The following DEFB126 variants were observed in gnomAD, a reference collection of about 807,000 sequenced individuals.
DEFB126 encodes the protein defensin beta 126, also known as beta-defensin 126.
DEFB126 carries 2 observed loss-of-function variants against 2.5 expected under a neutral mutation model. That is an observed-to-expected ratio of 0.79 (90% confidence interval 0.32 to 2.49). The LOEUF (loss-of-function observed/expected upper bound fraction) is 2.49, where lower values mean the gene tolerates loss of function less well. Ranked by LOEUF, DEFB126 falls within the 30% of genes most tolerant of loss-of-function variation. DEFB126 has a pLI of 0.11. For missense variants in DEFB126, 136 were observed against 135.4 expected, an observed-to-expected ratio of 1.00 and a Z score of -0.02; for synonymous variants, 51 against 45.4, an observed-to-expected ratio of 1.12 and a Z score of -0.50.
intron 1 of DEFB126, among the ~76,000 whole-genome samples, chr20:143,109 T>A (rs940297619): frequency 1.3e-5 from 2 of 152,124 alleles, no homozygotes; most frequent in Non-Finnish European, 2.9e-5. Flanking sequence ...ATTTTTTGTT[T>A]GTTTGTTTGT....
At chr20:143,045 C>T (rs1290507222) in intron 1 of DEFB126, among the ~76,000 whole-genome samples, 1 of 152,082 alleles carries the variant, frequency 6.6e-6, no homozygotes, top group East Asian at 1.9e-4. Flanking sequence ...CCTGAGGTAA[C>T]AATTATATAA....
At position 142,693 on chromosome 20, in the gene DEFB126, A is replaced by T; in HGVS notation, c.58+7A>T. On this transcript the variant is annotated splice_region_variant and intron_variant, in intron 1 of 1. Transcript: ENST00000382398. ...CTGGCCCAATTGGTCTCAGGTAAACAGAATCTTGGGGAAGAAGAAACACTG... is the reference window on the plus strand; with the variant it reads ...CTGGCCCAATTGGTCTCAGGTAAACTGAATCTTGGGGAAGAAGAAACACTG... 2 of 1,613,672 alleles carry T rather than the reference A, an allele frequency of 1.2e-6. No individual in the cohort carries two copies.
intron 1 of DEFB126, among the ~76,000 whole-genome samples, chr20:144,024 G>A (rs960474056): frequency 1.8e-4 from 27 of 151,974 alleles, no homozygotes; most frequent in Non-Finnish European, 2.5e-4. Flanking sequence ...TCCATAGCCC[G>A]CCTCTAGAGA....
Position 142,638 on chromosome 20 carries a change from C to G in DEFB126, c.10C>G (p.Leu4Val). Residue 4 changes from leucine (L) to valine (V), a missense_variant, in exon 1 of 2, where the codon CTA becomes GTA. Transcript: ENST00000382398. ...AACCCACTGCCTCCTGATGAAGTCC[C>G]TACTGTTCACCCTTGCAGTTTTTAT... is the stretch of plus-strand genomic sequence containing the variant. MKS[L>V]LFTLAVFMLL... 6.2e-7 allele frequency: 1 copy of G among 1,613,828 alleles called. No individual in the cohort carries two copies. Among genetic ancestry groups the G allele is most frequent in the South Asian group, 1.1e-5 (1 of 91,066 alleles).
chr20:144,605 T>G (rs2054660130), intron 1 of DEFB126, among the ~76,000 whole-genome samples: 1 of 152,136 alleles, frequency 6.6e-6, no homozygotes, highest in Non-Finnish European at 1.5e-5. Flanking sequence ...AGTAATGAGT[T>G]AAGCAAGGTA....
chr20:142,719 G>A, intron 1 of DEFB126, 33 bp downstream of exon 1: 1 of 1,608,920 alleles, frequency 6.2e-7, no homozygotes, highest in Non-Finnish European at 8.5e-7. Context: ...AGAAACACTG[G>A]CCTGGAACAG....
Position 145,451 on chromosome 20 carries a change from G to C in DEFB126, c.95G>C (p.Gly32Ala), listed in dbSNP as rs1056376458. The change falls in exon 2 of 2, where the codon GGA becomes GCA. Residue 32 changes from glycine (G) to alanine (A), a missense_variant. Physicochemically the swap from Gly to Ala is moderately conservative, Grantham distance 60. Transcript: ENST00000382398. Reference protein sequence around the residue: ...WYVKKCLNDVGICKKKCKPEE... With the variant: ...WYVKKCLNDVAICKKKCKPEE... Reference sequence around the variant, plus strand: ...GTGAAAAAGTGTCTAAACGACGTTGGAATTTGCAAGAAGAAGTGCAAACCT... The same window carrying C: ...GTGAAAAAGTGTCTAAACGACGTTGCAATTTGCAAGAAGAAGTGCAAACCT... The C allele has an allele frequency of 3.1e-6, 5 of 1,613,946 alleles. No homozygotes were observed. The highest frequency in any genetic ancestry group is 4.2e-6 in the Non-Finnish European group (5 of 1,179,910).
rs567361607 is a variant in DEFB126, at chr20:143,997, A to T, written c.58+1311A>T. ...TAATATTCTTTAGTATAATTTCCTA[A>T]TGGGTTATATAATAACTCCATAGCC... On this transcript the variant is annotated intron_variant, in intron 1 of 1. Coordinates refer to ENST00000382398, the MANE Select transcript of DEFB126 (RefSeq NM_030931.4). Among the ~76,000 whole-genome samples, 9 of 152,264 alleles carry T rather than the reference A, an allele frequency of 5.9e-5. No individual in the cohort carries two copies. The South Asian group carries it at 1.9e-3, about 32-fold the overall frequency.
rs771000519 is a variant in DEFB126, at chr20:145,354, A to AT, written c.59-55dup. On this transcript the variant is annotated intron_variant, in intron 1 of 1. Coordinates refer to ENST00000382398, the MANE Select transcript of DEFB126 (RefSeq NM_030931.4). ...TAAACAGTGCTCAAAAACTATTGCTATTTTTTATCCTCCTGTGATAAATAC... is the reference window on the plus strand; with the variant it reads ...TAAACAGTGCTCAAAAACTATTGCTATTTTTTTATCCTCCTGTGATAAATAC... 1,340 of 1,513,980 alleles carry AT rather than the reference A, an allele frequency of 8.9e-4. 2 individuals carry two copies. Among genetic ancestry groups the AT allele is most frequent in the Non-Finnish European group, 1.1e-3 (1,185 of 1,118,228 alleles). 93.8% of individuals were successfully genotyped at this position (1,513,980 alleles called of 1,614,324 possible).
chr20:143,617 T>G (rs1180082614), intron 1 of DEFB126, among the ~76,000 whole-genome samples: 1 of 152,180 alleles, frequency 6.6e-6, no homozygotes, highest in Non-Finnish European at 1.5e-5. Flanking sequence ...CATTGTGAGA[T>G]TCTCTGTTTG....
chr20:143,529 CTTAA>C (rs1199968576), intron 1 of DEFB126, among the ~76,000 whole-genome samples: 1 of 151,984 alleles, frequency 6.6e-6, no homozygotes, highest in East Asian at 1.9e-4. Flanking sequence ...TTGGAAAGTC[CTTAA>C]TTGTGTGTCA....
At position 145,454 on chromosome 20, in the gene DEFB126, T is replaced by A. The variant is rs930567514; in HGVS notation, c.98T>A (p.Ile33Asn). The A allele has an allele frequency of 6.2e-7, 1 of 1,613,880 alleles. No homozygotes were observed. Among genetic ancestry groups the A allele is most frequent in the Non-Finnish European group, 8.5e-7 (1 of 1,179,918 alleles). Residue 33 changes from isoleucine to asparagine, a missense_variant, in exon 2 of 2, where the codon ATT (isoleucine) becomes AAT (asparagine). Ile to Asn is a moderately radical substitution (Grantham distance 149). Transcript: ENST00000382398. ...YVKKCLNDVG[I>N]CKKKCKPEEM... ...AAAAAGTGTCTAAACGACGTTGGAA[T>A]TTGCAAGAAGAAGTGCAAACCTGAA...
chr20:142,621 G>T lies in DEFB126; in HGVS notation c.-8G>T. On this transcript the variant is annotated 5_prime_UTR_variant, in exon 1 of 2. Coordinates refer to ENST00000382398, the MANE Select transcript of DEFB126 (RefSeq NM_030931.4). ...ACTTCTGGACTCTATAGAACCCACT[G>T]CCTCCTGATGAAGTCCCTACTGTTC... 1 of 1,613,736 alleles carries T rather than the reference G, an allele frequency of 6.2e-7. No individual in the cohort carries two copies. Among genetic ancestry groups the T allele is most frequent in the Non-Finnish European group, 8.5e-7 (1 of 1,179,674 alleles).
chr20:143,289 T>A (rs1019493346), intron 1 of DEFB126, among the ~76,000 whole-genome samples: 1 of 152,212 alleles, frequency 6.6e-6, no homozygotes, highest in African/African-American at 2.4e-5. Context: ...TAGCTTATAT[T>A]TACAAAACCA....
chr20:144,792 T>A (rs1170725094), intron 1 of DEFB126, among the ~76,000 whole-genome samples: 5 of 152,158 alleles, frequency 3.3e-5, no homozygotes, highest in Admixed American at 1.3e-4. Flanking sequence ...AATGTACTTA[T>A]ATCTCAATAT....
At position 142,700 on chromosome 20, in the gene DEFB126, TG is replaced by T. The variant is rs1273761731; in HGVS notation, c.58+18del. 1.2e-6 allele frequency: 2 copies of T among 1,613,398 alleles called. No homozygotes were observed. Among genetic ancestry groups the T allele is most frequent in the African/African-American group, 2.7e-5 (2 of 74,984 alleles). On this transcript the variant is annotated intron_variant, in intron 1 of 1. Transcript: ENST00000382398. ...AATTGGTCTCAGGTAAACAGAATCT[TG>T]GGGAAGAAGAAACACTGGCCTGGAA...
rs561390827 is a variant in DEFB126 at position 145,423 on chromosome 20, T to C, written c.67T>C (p.Tyr23His). Residue 23 changes from tyrosine to histidine, a missense_variant, in exon 2 of 2, where the codon TAT (tyrosine) becomes CAT (histidine). Physicochemically the swap from Tyr to His is moderately conservative, Grantham distance 83 (BLOSUM62 2). Transcript: ENST00000382398. Reference protein sequence around the residue: ...LLAQLVSGNWYVKKCLNDVGI... With the variant: ...LLAQLVSGNWHVKKCLNDVGI... ...ATAATTCCTTTATTCAGGTAATTGG[T>C]ATGTGAAAAAGTGTCTAAACGACGT... is the stretch of plus-strand genomic sequence containing the variant. The C allele has an allele frequency of 6.2e-7, 1 of 1,613,450 alleles. No individual in the cohort carries two copies. Among genetic ancestry groups the C allele is most frequent in the Non-Finnish European group, 8.5e-7 (1 of 1,179,592 alleles).
In DEFB126 at chr20:142,692, C is replaced by T; in HGVS notation, c.58+6C>T. ...CCTGGCCCAATTGGTCTCAGGTAAA[C>T]AGAATCTTGGGGAAGAAGAAACACT... On this transcript the variant is annotated splice_donor_region_variant and intron_variant, in intron 1 of 1. Transcript: ENST00000382398. 6.2e-7 allele frequency: 1 copy of T among 1,613,602 alleles called. No individual in the cohort carries two copies. Among genetic ancestry groups the T allele is most frequent in the Non-Finnish European group, 8.5e-7 (1 of 1,179,574 alleles).
chr20:145,464 G>A lies in DEFB126; in HGVS notation c.108G>A (p.Lys36=). The change falls in exon 2 of 2, where the codon AAG becomes AAA. Residue 36 remains lysine (K), a synonymous_variant. Coordinates refer to ENST00000382398, the MANE Select transcript of DEFB126 (RefSeq NM_030931.4). ...KCLNDVGICK[K]KCKPEEMHVK... is the part of the protein sequence containing the mutation. ...TAAACGACGTTGGAATTTGCAAGAA[G>A]AAGTGCAAACCTGAAGAGATGCATG... 2 of 1,614,012 alleles carry A rather than the reference G, an allele frequency of 1.2e-6. No individual in the cohort carries two copies. The highest frequency in any genetic ancestry group is 1.1e-5 in the South Asian group (1 of 91,064).
Sources: allele counts gnomAD v4.1 joint callset (sites outside exome capture counted in the v4.1 genomes callset), GRCh38; gene constraint gnomAD v4.1.1; transcripts MANE v1.5; gene names NCBI Gene and HGNC (gene_info 2026-07-23, HGNC 2026-07-21).